The following SLC35D2 variants were observed in gnomAD, a reference collection of about 807,000 sequenced individuals.
SLC35D2 encodes the protein nucleotide sugar transporter SLC35D2.
SLC35D2 carries 43 observed loss-of-function variants against 41.8 expected under a neutral mutation model. The observed-to-expected ratio is 1.03, with a 90% CI of 0.81 to 1.33. SLC35D2 has a LOEUF of 1.33. Among genes scored for constraint, SLC35D2 ranks in the 40% most tolerant of loss-of-function variants. The probability of loss-of-function intolerance (pLI) is 0.00; values close to 1 mark genes in which losing one functional copy is unlikely to be tolerated. For synonymous variants in SLC35D2, 150 were observed against 163.9 expected, an observed-to-expected ratio of 0.92 and a Z score of 0.65; for missense variants, 380 against 408.4, an observed-to-expected ratio of 0.93 and a Z score of 0.60.
chr9:96,358,123 T>C (rs960262054), intron 4 of SLC35D2, among the ~76,000 whole-genome samples: 4 of 144,780 alleles, frequency 2.8e-5, no homozygotes, highest in Non-Finnish European at 6.0e-5. Flanking sequence ...CAATGGAATA[T>C]TAATCAGCCT....
chr9:96,347,152 G>T (rs1047888059), intron 6 of SLC35D2, among the ~76,000 whole-genome samples: 2 of 152,166 alleles, frequency 1.3e-5, no homozygotes, highest in Non-Finnish European at 2.9e-5. Context: ...TTCAAAATAA[G>T]GGTCTTCCAA....
chr9:96,383,490 G>A lies in SLC35D2; in HGVS notation c.145C>T (p.Leu49=). 2 of 1,537,248 alleles carry A rather than the reference G, an allele frequency of 1.3e-6. No individual in the cohort carries two copies. The highest frequency in any genetic ancestry group is 1.2e-5 in the South Asian group (1 of 83,738). ...FLIVLVNKAL[L]TTYGFPSPIF... ...GCCCCGCCTCACCCGTAGGTGGTCA[G>A]CAGCGCCTTGTTGACAAGCACGATG... is the stretch of plus-strand genomic sequence containing the variant. The change falls in exon 1 of 12, where the codon CTG becomes TTG. Residue 49 remains leucine (L), a synonymous_variant. Coordinates refer to ENST00000253270, the MANE Select transcript of SLC35D2 (RefSeq NM_007001.3).
At chr9:96,382,496 C>CACACACACTATA (rs200897475) in intron 1 of SLC35D2, among the ~76,000 whole-genome samples, 5 of 127,914 alleles carry the variant, frequency 3.9e-5, no homozygotes, top group African/African-American at 8.8e-5. Context: ...CACACACACA[C>CACACACACTATA]TATATATATA....
In SLC35D2 at chr9:96,354,908, A is replaced by T. The variant is rs111348755; in HGVS notation, c.348-2799T>A. On this transcript the variant is annotated intron_variant, in intron 4 of 11. Transcript: ENST00000253270. Reference sequence around the variant, plus strand: ...AAAACTACAAAACATTGTTAAAAAAATTTAAAAAACCAGGTGCAGTGGTTC... The same window carrying T: ...AAAACTACAAAACATTGTTAAAAAATTTTAAAAAACCAGGTGCAGTGGTTC... 2.7e-3 allele frequency among the ~76,000 whole-genome samples: 405 copies of T among 151,940 alleles called. 1 individual carries two copies. The highest frequency in any genetic ancestry group is 9.1e-3 in the African/African-American group (379 of 41,520).
chr9:96,356,445 C>A, intron 4 of SLC35D2, among the ~76,000 whole-genome samples: 1 of 135,824 alleles, frequency 7.4e-6, no homozygotes, highest in African/African-American at 2.8e-5. Context: ...TAAGGAAATG[C>A]AAGAGAATTA....
intron 9 of SLC35D2, among the ~76,000 whole-genome samples, chr9:96,326,221 G>A (rs1828520600): frequency 6.6e-6 from 1 of 152,190 alleles, no homozygotes; most frequent in Non-Finnish European, 1.5e-5. Context: ...CTTAAGTACA[G>A]AAAGCAATCT....
chr9:96,375,966 GC>G (rs1356530482), intron 1 of SLC35D2, among the ~76,000 whole-genome samples: 8 of 152,084 alleles, frequency 5.3e-5, no homozygotes, highest in Admixed American at 5.2e-4. Context: ...TTCAAAACCA[GC>G]CTGGCCAATA....
chr9:96,326,406 G>C (rs1828528646), intron 9 of SLC35D2, among the ~76,000 whole-genome samples: 1 of 152,170 alleles, frequency 6.6e-6, no homozygotes, highest in Admixed American at 6.5e-5. Flanking sequence ...GAGTTAATAA[G>C]CCATTTATCA....
intron 7 of SLC35D2, among the ~76,000 whole-genome samples, chr9:96,344,728 T>A (rs996205188): frequency 1.2e-3 from 5 of 4,278 alleles, no homozygotes; most frequent in East Asian, 6.5e-3. Flanking sequence ...GGGGGAGGGA[T>A]GGGGGAGGGG....
chr9:96,373,802 G>A (rs779736365), intron 1 of SLC35D2, among the ~76,000 whole-genome samples: 6 of 152,032 alleles, frequency 3.9e-5, no homozygotes, highest in Non-Finnish European at 7.3e-5. Flanking sequence ...GCCCAAATAA[G>A]CTCTCTACGT....
In SLC35D2 at chr9:96,368,323, C is replaced by T; in HGVS notation, c.159-18G>A. On this transcript the variant is annotated intron_variant, in intron 1 of 11. Coordinates refer to ENST00000253270, the MANE Select transcript of SLC35D2 (RefSeq NM_007001.3). ...ACGGGAAACTACAAAGGACACAGAACAACAAATCAGTTGAGCAAATATAAA... is the reference window on the plus strand; with the variant it reads ...ACGGGAAACTACAAAGGACACAGAATAACAAATCAGTTGAGCAAATATAAA... 1 of 1,597,552 alleles carries T rather than the reference C, an allele frequency of 6.3e-7. No individual in the cohort carries two copies. The highest frequency in any genetic ancestry group is 8.5e-7 in the Non-Finnish European group (1 of 1,169,638).
chr9:96,340,699 T>C (rs536705923), intron 8 of SLC35D2, among the ~76,000 whole-genome samples: 3 of 150,842 alleles, frequency 2.0e-5, no homozygotes, highest in African/African-American at 7.3e-5. Context: ...TGTTATTTTA[T>C]AGAAGGCCTT....
At chr9:96,381,247 G>T (rs73538967) in intron 1 of SLC35D2, among the ~76,000 whole-genome samples, 1 of 152,160 alleles carries the variant, frequency 6.6e-6, no homozygotes, top group Admixed American at 6.5e-5. Flanking sequence ...CCCAGATGTC[G>T]GCTCTCAACA....
At chr9:96,325,248 C>T (rs927487554) in intron 9 of SLC35D2, among the ~76,000 whole-genome samples, 1 of 152,180 alleles carries the variant, frequency 6.6e-6, no homozygotes, top group African/African-American at 2.4e-5. Context: ...TCCAGTCAAG[C>T]AGTGATGGAA....
chr9:96,338,512 T>C (rs1829156927), intron 8 of SLC35D2, among the ~76,000 whole-genome samples: 1 of 145,252 alleles, frequency 6.9e-6, no homozygotes, highest in African/African-American at 2.6e-5. Context: ...GCTGTGATGG[T>C]ACCACTGTAC....
intron 9 of SLC35D2, among the ~76,000 whole-genome samples, chr9:96,331,148 T>C (rs1197019115): frequency 2.0e-5 from 3 of 152,170 alleles, no homozygotes; most frequent in Non-Finnish European, 2.9e-5. Flanking sequence ...TCTGCCCACC[T>C]CGGCCTCCCA....
downstream of SLC35D2, among the ~76,000 whole-genome samples, chr9:96,317,137 C>CAA (rs199556211): frequency 2.3e-5 from 3 of 131,606 alleles, no homozygotes; most frequent in African/African-American, 8.2e-5. Context: ...GACTCCCTCT[C>CAA]AAAAAAAAAA....
chr9:96,364,928 G>C (rs546700849), intron 2 of SLC35D2, among the ~76,000 whole-genome samples: 1 of 148,010 alleles, frequency 6.8e-6, no homozygotes, highest in Admixed American at 7.0e-5. Flanking sequence ...GGCAGACGCA[G>C]AATCCCAGCT....
intron 4 of SLC35D2, among the ~76,000 whole-genome samples, chr9:96,357,071 T>C (rs1830056772): frequency 6.6e-6 from 1 of 150,806 alleles, no homozygotes; most frequent in African/African-American, 2.4e-5. Context: ...CCAGCTACTC[T>C]GGAGGCTGAG....
Sources: allele counts gnomAD v4.1 joint callset (sites outside exome capture counted in the v4.1 genomes callset), GRCh38; gene constraint gnomAD v4.1.1; transcripts MANE v1.5; gene names NCBI Gene and HGNC (gene_info 2026-07-23, HGNC 2026-07-21).